Variants in SPEN observed in about 807,000 individuals in gnomAD.
The protein encoded by SPEN is msx2-interacting protein.
SPEN carries 18 observed loss-of-function variants against 269.9 expected under a neutral mutation model. The ratio of observed to expected loss-of-function variants is 0.07; its 90% CI spans 0.05 to 0.10. The LOEUF is 0.10. Ranked by LOEUF, SPEN falls within the 10% of genes least tolerant of loss-of-function variation. The pLI is 1.00. For missense variants in SPEN, 3,822 were observed against 4,631.2 expected, an observed-to-expected ratio of 0.83 and a Z score of 5.07; for synonymous variants, 1,726 against 1,765.7, an observed-to-expected ratio of 0.98 and a Z score of 0.56.
At chr1:15,869,580 G>GTATTTATTTATT (rs139016154) in intron 1 of SPEN, among the ~76,000 whole-genome samples, 7,495 of 146,032 alleles carry the variant, frequency 0.051, 266 homozygotes, top group East Asian at 0.083. Flanking sequence ...TGTCTCTACT[G>GTATTTATTTATT]TATTTATTTA....
intron 1 of SPEN, among the ~76,000 whole-genome samples, chr1:15,851,347 A>G (rs1321408960): frequency 6.6e-6 from 1 of 152,234 alleles, no homozygotes; most frequent in Non-Finnish European, 1.5e-5. Flanking sequence ...ATTTAAAAAA[A>G]TTAAATGAGA....
intron 3 of SPEN, among the ~76,000 whole-genome samples, chr1:15,906,453 CTTTTTTTTTTTTTTT>C (rs200731520): frequency 4.3e-5 from 4 of 92,536 alleles, no homozygotes; most frequent in Admixed American, 1.1e-4. Context: ...TCTTTCTTTC[CTTTTTTTTTTTTTTT>C]TTTTTTTTTT....
At position 15,921,714 on chromosome 1, in the gene SPEN, G is replaced by A. The variant is rs77899148; in HGVS notation, c.1750-535G>A. 2.3e-4 allele frequency among the ~76,000 whole-genome samples: 35 copies of A among 152,210 alleles called. No individual in the cohort carries two copies. The East Asian group carries it at 6.8e-3, about 29-fold the overall frequency. ...CTTAAAGCATAACTTTATGTCCAGT[G>A]TATGTTTTTAAAAACTTGTATTCAT... On this transcript the variant is annotated intron_variant, in intron 9 of 14. Coordinates refer to ENST00000375759, the MANE Select transcript of SPEN (RefSeq NM_015001.3).
rs1449357349 is a variant in SPEN at position 15,935,592 on chromosome 1, C to T, written c.9352C>T (p.His3118Tyr). Residue 3118 changes from histidine to tyrosine, a missense_variant, in exon 11 of 15, where the codon CAC becomes TAC. Coordinates refer to ENST00000375759, the MANE Select transcript of SPEN (RefSeq NM_015001.3). This position sits in a 1 kb window ranked among gnomAD's most constrained non-coding sequence, Gnocchi z 7.7. ...ITYSIRPEAL[H>Y]SPRAPLQPQQ... ...CTACAGCATCCGGCCAGAAGCGCTTCACTCTCCTCGGGCTCCGCTGCAGCC... is the reference window on the plus strand; with the variant it reads ...CTACAGCATCCGGCCAGAAGCGCTTTACTCTCCTCGGGCTCCGCTGCAGCC... The T allele has an allele frequency of 8.1e-6, 13 of 1,614,028 alleles. No homozygotes were observed. The highest frequency in any genetic ancestry group is 1.3e-5 in the African/African-American group (1 of 74,912).
chr1:15,904,439 C>T (rs1215877478), intron 3 of SPEN, among the ~76,000 whole-genome samples: 7 of 63,190 alleles, frequency 1.1e-4, no homozygotes, highest in Non-Finnish European at 1.6e-4. Flanking sequence ...GCAATAAGAG[C>T]GAAACTCCAT....
chr1:15,883,849 G>A (rs1336640564), intron 3 of SPEN, among the ~76,000 whole-genome samples: 8 of 121,336 alleles, frequency 6.6e-5, no homozygotes, highest in East Asian at 5.1e-4. Context: ...TTGTTCTGTC[G>A]CCCAGGCTGG....
intron 3 of SPEN, among the ~76,000 whole-genome samples, chr1:15,894,536 GTTTTT>G (rs766111268): frequency 1.0e-5 from 1 of 100,382 alleles, no homozygotes; most frequent in Non-Finnish European, 1.9e-5. Flanking sequence ...TATTATGGTT[GTTTTT>G]TTTTTTTTTT....
rs2070286472 is a variant in SPEN at position 15,847,807 on chromosome 1, GGCGCAT to G, written c.-256_-251del. The G allele has an allele frequency of 1.3e-5, 3 of 228,040 alleles. No individual in the cohort carries two copies. The highest frequency in any genetic ancestry group is 2.6e-5 in the Non-Finnish European group (3 of 116,380). The allele number at this position is 228,040 out of a possible 1,614,324, so 14.1% of individuals were successfully genotyped here. A position where few individuals can be genotyped will look rare whatever the true frequency, so the allele number is the denominator to read the frequency against. ...CCGCTCCCCCGCCCGCCCCTGCCCG[GGCGCAT>G]GCGCTGCCGGAGCGCGAGGGTCGGC... On this transcript the variant is annotated 5_prime_UTR_variant, in exon 1 of 15. An upstream start codon of the reference 5' UTR is lost. Transcript: ENST00000375759.
chr1:15,930,377 T>C lies in SPEN; in HGVS notation c.4137T>C (p.Pro1379=), dbSNP rs1248863873. ...SVRDLEPGEV[P]SDSDEDGEHK... ...GAGATCTGGAACCTGGTGAGGTGCC[T>C]TCTGATTCTGACGAAGATGGTGAAC... The change falls in exon 11 of 15, where the codon CCT becomes CCC. Residue 1379 remains proline (P), a synonymous_variant. Coordinates refer to ENST00000375759, the MANE Select transcript of SPEN (RefSeq NM_015001.3). This position sits in a 1 kb window ranked among gnomAD's most constrained non-coding sequence, Gnocchi z 5.3. The C allele has an allele frequency of 1.2e-6, 2 of 1,613,578 alleles. No individual in the cohort carries two copies. Among genetic ancestry groups the C allele is most frequent in the East Asian group, 4.5e-5 (2 of 44,868 alleles).
intron 3 of SPEN, among the ~76,000 whole-genome samples, chr1:15,908,919 A>T (rs2070986585): frequency 6.6e-6 from 1 of 152,204 alleles, no homozygotes; most frequent in South Asian, 2.1e-4. Context: ...AAAGGTGTTA[A>T]GTGATTTGTC....
intron 3 of SPEN, among the ~76,000 whole-genome samples, chr1:15,900,544 C>T (rs2070889961): frequency 6.6e-6 from 1 of 152,136 alleles, no homozygotes; most frequent in Non-Finnish European, 1.5e-5. Context: ...ATCAGGTTGT[C>T]CAAAATCAAG....
At chr1:15,873,733 A>T in intron 2 of SPEN, 1 of 1,001,686 alleles carries the variant, frequency 1.0e-6, no homozygotes, top group Non-Finnish European at 1.2e-6. Context: ...TTGGATCTAC[A>T]CAATTTCTGT....
intron 3 of SPEN, among the ~76,000 whole-genome samples, chr1:15,903,279 T>C (rs1360958422): frequency 6.6e-6 from 1 of 152,258 alleles, no homozygotes; most frequent in Non-Finnish European, 1.5e-5. Flanking sequence ...CCTACTCTTA[T>C]ATTTCTTCAT....
intron 4 of SPEN, among the ~76,000 whole-genome samples, chr1:15,910,858 T>C (rs1261300375): frequency 6.6e-6 from 1 of 152,148 alleles, no homozygotes; most frequent in East Asian, 1.9e-4. Flanking sequence ...AAAAGTAATG[T>C]TTTAATGACA....
In SPEN at chr1:15,859,358, C is replaced by CTTT. The variant is rs143092339; in HGVS notation, c.83+11223_83+11225dup. Among the ~76,000 whole-genome samples, 348 of 115,566 alleles carry CTTT rather than the reference C, an allele frequency of 3.0e-3. 6 individuals are homozygous for CTTT. Among genetic ancestry groups the CTTT allele is most frequent in the African/African-American group, 6.9e-3 (205 of 29,754 alleles). The allele number at this position is 115,566 out of a possible 152,430, so 75.8% of individuals were successfully genotyped here. A position where few individuals can be genotyped will look rare whatever the true frequency, so the allele number is the denominator to read the frequency against. On this transcript the variant is annotated intron_variant, in intron 1 of 14. Transcript: ENST00000375759. Reference sequence around the variant, plus strand: ...TCTTTTTCTGTTTTCTTTTTCTTTTCTTTTTTTTTTTTTTTTTGAGAGGGA... The same window carrying CTTT: ...TCTTTTTCTGTTTTCTTTTTCTTTTCTTTTTTTTTTTTTTTTTTTTGAGAGGGA...
rs2070629393 is a variant in SPEN at position 15,876,284 on chromosome 1, A to G, written c.487A>G (p.Arg163Gly). ...GGGGACGGGAGGATTTGATCGGACA[A>G]GACATTACGATCAGGATTACTATAG... is the stretch of plus-strand genomic sequence containing the variant. ...ERGTGGFDRT[R>G]HYDQDYYRDP... Residue 163 changes from arginine to glycine, a missense_variant, in exon 3 of 15, where the codon AGA becomes GGA. Physicochemically the swap from Arg to Gly is moderately radical, Grantham distance 125 (BLOSUM62 -2). This residue lies in a region of SPEN where 327 missense variants were observed against 350.8 expected (regional missense o/e 0.93). Transcript: ENST00000375759. The G allele has an allele frequency of 6.2e-7, 1 of 1,613,910 alleles. No homozygotes were observed. The highest frequency in any genetic ancestry group is 8.5e-7 in the Non-Finnish European group (1 of 1,180,016).
intron 3 of SPEN, among the ~76,000 whole-genome samples, chr1:15,895,402 A>G (rs2070832614): frequency 6.6e-6 from 1 of 152,094 alleles, no homozygotes; most frequent in African/African-American, 2.4e-5. Flanking sequence ...GTACCCATAT[A>G]TGTGGAACCA....
intron 6 of SPEN, among the ~76,000 whole-genome samples, chr1:15,918,313 G>T (rs533812884): frequency 2.4e-4 from 37 of 152,348 alleles, no homozygotes; most frequent in African/African-American, 8.7e-4. Flanking sequence ...CTGCCTCCCG[G>T]GTTCAAGCGA....
intron 1 of SPEN, among the ~76,000 whole-genome samples, chr1:15,849,557 A>G (rs1330375468): frequency 1.4e-4 from 20 of 145,304 alleles, no homozygotes; most frequent in Non-Finnish European, 2.8e-4. Context: ...GGCCGGGGGG[A>G]GGTGCGCGCT....
Sources: allele counts gnomAD v4.1 joint callset (sites outside exome capture counted in the v4.1 genomes callset), GRCh38; gene constraint gnomAD v4.1.1; regional missense constraint gnomAD v4.1.1; non-coding constraint Gnocchi (gnomAD v3.1); transcripts MANE v1.5; gene names NCBI Gene and HGNC (gene_info 2026-07-23, HGNC 2026-07-21).